The following RTL4 variants were observed in gnomAD, a reference collection of about 807,000 sequenced individuals.
The protein encoded by RTL4 is retrotransposon Gag like 4.
RTL4 carries 4 observed loss-of-function variants against 5.3 expected under a neutral mutation model. That is an observed-to-expected ratio of 0.75 (90% CI 0.37 to 1.72). RTL4 has a LOEUF of 1.72. Among genes scored for constraint, RTL4 ranks in the 40% most tolerant of loss-of-function variants. RTL4 has a pLI of 0.04. For missense variants in RTL4, 260 were observed against 227.1 expected, an observed-to-expected ratio of 1.14 and a Z score of -0.93; for synonymous variants, 98 against 87.3, an observed-to-expected ratio of 1.12 and a Z score of -0.68.
the RTL4 span, among the ~76,000 whole-genome samples, chrX:112,151,432 A>C: frequency 8.9e-6 from 1 of 111,937 alleles, no homozygotes; most frequent in East Asian, 2.8e-4. Flanking sequence ...ACTCCATCCC[A>C]CAACCTGGTG....
chrX:112,407,844 A>G, the RTL4 span, among the ~76,000 whole-genome samples: 2 of 112,681 alleles, frequency 1.8e-5, no homozygotes, highest in Non-Finnish European at 3.7e-5. Flanking sequence ...AGAGAAGAGA[A>G]CAATAGTTTC....
the RTL4 span, among the ~76,000 whole-genome samples, chrX:112,161,662 A>AT: frequency 9.0e-6 from 1 of 111,421 alleles, no homozygotes; most frequent in African/African-American, 3.3e-5. Context: ...CCAAACACAT[A>AT]TAACAGAGAC....
At chrX:112,120,717 C>G in the RTL4 span, among the ~76,000 whole-genome samples, 2 of 110,382 alleles carry the variant, frequency 1.8e-5, no homozygotes, top group Non-Finnish European at 3.8e-5. Context: ...CACTAAATAC[C>G]TAAGTGTAGT....
At chrX:112,107,887 TA>T in the RTL4 span, among the ~76,000 whole-genome samples, 1 of 112,163 alleles carries the variant, frequency 8.9e-6, no homozygotes. Context: ...ATGGTTTCTT[TA>T]AATAACCTTT....
At chrX:112,240,364 T>C in the RTL4 span, among the ~76,000 whole-genome samples, 5 of 111,224 alleles carry the variant, frequency 4.5e-5, no homozygotes, top group Admixed American at 2.9e-4. Context: ...GTTACTGGAG[T>C]CTTGGAAGGA....
At chrX:112,159,881 C>T in the RTL4 span, among the ~76,000 whole-genome samples, 1 of 111,179 alleles carries the variant, frequency 9.0e-6, no homozygotes. Flanking sequence ...TCTTTCCCCT[C>T]CTCTTTCTCA....
At chrX:112,372,342 T>C in the RTL4 span, among the ~76,000 whole-genome samples, 2 of 111,975 alleles carry the variant, frequency 1.8e-5, no homozygotes, top group Non-Finnish European at 3.8e-5. Context: ...TCCTGTTGGA[T>C]GGCTATAACA....
chrX:112,338,869 ATCATCATTT>A, the RTL4 span, among the ~76,000 whole-genome samples: 1 of 112,424 alleles, frequency 8.9e-6, no homozygotes, highest in African/African-American at 3.2e-5. Flanking sequence ...TGCATAAGCT[ATCATCATTT>A]TAGATTATAA....
chrX:112,240,641 G>A, the RTL4 span, among the ~76,000 whole-genome samples: 1 of 111,307 alleles, frequency 9.0e-6, no homozygotes, highest in East Asian at 2.8e-4. Context: ...CCATTGTGAA[G>A]GTGAAAAAGG....
chrX:112,393,168 T>TG, the RTL4 span, among the ~76,000 whole-genome samples: 219 of 101,907 alleles, frequency 2.1e-3, 1 homozygote, highest in African/African-American at 8.5e-3. Context: ...TTTGTTTTTT[T>TG]TTTTTGTTTG....
chrX:112,368,744 C>G, the RTL4 span, among the ~76,000 whole-genome samples: 7 of 111,862 alleles, frequency 6.3e-5, no homozygotes, highest in Non-Finnish European at 1.9e-5. Context: ...ACTCAGAGGC[C>G]TCTTCAAAGC....
the RTL4 span, among the ~76,000 whole-genome samples, chrX:112,369,111 G>A: frequency 1.8e-5 from 2 of 112,802 alleles, no homozygotes; most frequent in Non-Finnish European, 3.8e-5. Flanking sequence ...GAACATGTGA[G>A]AAATGATGAG....
chrX:112,453,820 T>C (rs1206043852), upstream of RTL4, among the ~76,000 whole-genome samples: 1 of 111,975 alleles, frequency 8.9e-6, no homozygotes, highest in Non-Finnish European at 1.9e-5. Flanking sequence ...TTTCTGGTAG[T>C]GCCAATGCCA....
chrX:112,172,553 G>A, the RTL4 span, among the ~76,000 whole-genome samples: 6 of 111,384 alleles, frequency 5.4e-5, no homozygotes, highest in African/African-American at 2.0e-4. Context: ...ACTGTCGGTG[G>A]GAATGTAAAT....
At chrX:112,112,017 T>C in the RTL4 span, among the ~76,000 whole-genome samples, 1 of 111,989 alleles carries the variant, frequency 8.9e-6, no homozygotes, top group South Asian at 3.8e-4. Context: ...TGGCACCTAG[T>C]ATGCCATTTA....
At chrX:112,313,795 A>G in the RTL4 span, among the ~76,000 whole-genome samples, 1 of 110,406 alleles carries the variant, frequency 9.1e-6, no homozygotes, top group South Asian at 3.9e-4. Context: ...ATTAAGGTAT[A>G]TAAGAACCAG....
chrX:112,427,297 A>G, the RTL4 span, among the ~76,000 whole-genome samples: 4 of 111,452 alleles, frequency 3.6e-5, no homozygotes, highest in Non-Finnish European at 7.6e-5. Flanking sequence ...TCAAAAATCA[A>G]TTAATGTAAT....
the RTL4 span, among the ~76,000 whole-genome samples, chrX:112,303,763 TA>T: frequency 0.045 from 4,491 of 100,664 alleles, 271 homozygotes; most frequent in African/African-American, 0.16. Context: ...ATAATAATAA[TA>T]AAAAAAATTA....
At chrX:112,103,034 G>A in the RTL4 span, among the ~76,000 whole-genome samples, 1 of 111,554 alleles carries the variant, frequency 9.0e-6, no homozygotes, top group African/African-American at 3.3e-5. Flanking sequence ...AATTCCTCAA[G>A]GATCTAGAGG....
Sources: gnomAD v4.1 joint callset for allele counts (sites outside exome capture counted in the v4.1 genomes callset) on GRCh38, gnomAD v4.1.1 for gene constraint, MANE v1.5 for transcripts, NCBI Gene and HGNC (gene_info 2026-07-23, HGNC 2026-07-21) for gene names.